NIPSNAP2: variants seen among roughly 807,000 people sequenced by gnomAD.
The protein encoded by NIPSNAP2 is nipsnap homolog 2, also known as protein NipSnap homolog 2.
NIPSNAP2 carries 42 observed loss-of-function variants against 48.4 expected under a neutral mutation model. The observed-to-expected ratio is 0.87, with a 90% CI of 0.68 to 1.12. The LOEUF (loss-of-function observed/expected upper bound fraction) is 1.12, where lower values mean the gene tolerates loss of function less well. NIPSNAP2 is among the 50% of genes most tolerant of loss of function. NIPSNAP2 has a pLI of 0.00. For synonymous variants in NIPSNAP2, 158 were observed against 126.6 expected, an observed-to-expected ratio of 1.25 and a Z score of -1.67; for missense variants, 314 against 347.3, an observed-to-expected ratio of 0.90 and a Z score of 0.76.
rs752071145 is a variant in NIPSNAP2 at position 55,978,405 on chromosome 7, C to G, written c.278+10C>G. 3 of 1,601,228 alleles carry G rather than the reference C, an allele frequency of 1.9e-6. No homozygotes were observed. The African/African-American group carries it at 4.0e-5, about 22-fold the overall frequency. On this transcript the variant is annotated intron_variant, in intron 3 of 9. Coordinates refer to ENST00000322090, the MANE Select transcript of NIPSNAP2 (RefSeq NM_001483.3). The stretch of plus-strand genomic sequence containing the variant: ...CATACAACAAAATTTGGTGTGTATA[C>G]CAAACTATCCTTTACTTGGGGAAAA...
intron 1 of NIPSNAP2, among the ~76,000 whole-genome samples, chr7:55,974,268 G>A (rs201296256): frequency 7.8e-5 from 7 of 89,192 alleles, no homozygotes; most frequent in Admixed American, 5.9e-4. Flanking sequence ...CAAAAAAAAA[G>A]AAAGAAAGAA....
At chr7:55,994,846 A>T (rs1193085122) in intron 7 of NIPSNAP2, 48 bp from the exon 8 acceptor site, 1 of 1,476,882 alleles carries the variant, frequency 6.8e-7, no homozygotes, top group East Asian at 2.3e-5. Flanking sequence ...GATTCTCGTT[A>T]GCGTATCTAA....
intron 3 of NIPSNAP2, chr7:55,980,796 C>T (rs143245345): frequency 2.0e-5 from 3 of 152,288 alleles, no homozygotes; most frequent in Non-Finnish European, 4.4e-5. Context: ...CTACGTGACA[C>T]CCCTCCCATC....
chr7:55,976,135 A>G (rs1432040522), intron 1 of NIPSNAP2, among the ~76,000 whole-genome samples: 1 of 152,152 alleles, frequency 6.6e-6, no homozygotes, highest in Non-Finnish European at 1.5e-5. Context: ...CTCCCACCCC[A>G]GGCCCAGTCA....
intron 7 of NIPSNAP2, chr7:55,991,739 ACT>A (rs1196400103): frequency 4.2e-5 from 7 of 168,072 alleles, no homozygotes; most frequent in Admixed American, 2.3e-4. Flanking sequence ...CAAGAGTGAA[ACT>A]CTGTCTCAAA....
At chr7:55,985,019 T>C (rs1787298124) in intron 7 of NIPSNAP2, 141 bp downstream of exon 7, 1 of 628,152 alleles carries the variant, frequency 1.6e-6, no homozygotes, top group Non-Finnish European at 2.7e-6. Flanking sequence ...GTTTTTATTA[T>C]GAGATTTTTC....
chr7:55,980,813 G>T (rs1787199242), intron 3 of NIPSNAP2: 1 of 152,220 alleles, frequency 6.6e-6, no homozygotes, highest in South Asian at 2.1e-4. Flanking sequence ...CATCCCCTTG[G>T]CCCATTGAAT....
intron 1 of NIPSNAP2, among the ~76,000 whole-genome samples, chr7:55,972,434 C>CTTTTTT (rs562085477): frequency 1.5e-5 from 2 of 136,688 alleles, no homozygotes; most frequent in Non-Finnish European, 1.6e-5. Flanking sequence ...TTTTCTTTTT[C>CTTTTTT]TTTTTTTTTT....
chr7:55,986,243 T>A (rs1473801718), intron 7 of NIPSNAP2, among the ~76,000 whole-genome samples: 1 of 148,252 alleles, frequency 6.7e-6, no homozygotes, highest in Non-Finnish European at 1.5e-5. Context: ...TGGCACACAC[T>A]TGTAGTCCCA....
At position 55,997,416 on chromosome 7, in the gene NIPSNAP2, A is replaced by C. The variant is rs920398401; in HGVS notation, c.763A>C (p.Lys255Gln). The C allele has an allele frequency of 6.2e-7, 1 of 1,613,954 alleles. No homozygotes were observed. Among genetic ancestry groups the C allele is most frequent in the African/African-American group, 1.3e-5 (1 of 75,054 alleles). The change falls in exon 9 of 10, where the codon AAA (lysine) becomes CAA (glutamine). Residue 255 changes from lysine to glutamine, a missense_variant. Physicochemically the swap from Lys to Gln is moderately conservative, Grantham distance 53. Around this residue, in one of 2 missense-constraint regions of NIPSNAP2, gnomAD observed 116 missense variants for 161.8 expected, o/e 0.72. Transcript: ENST00000322090. ...AGACATACGGAATGCAGCATGGCAC[A>C]AACATGGCTGGGAGGAATTGGTATA... ...REDIRNAAWH[K>Q]HGWEELVYYT...
intron 9 of NIPSNAP2, 29 bp from the exon 10 acceptor site, chr7:55,998,979 A>G: frequency 6.3e-6 from 10 of 1,589,904 alleles, no homozygotes; most frequent in Non-Finnish European, 8.6e-6. Flanking sequence ...AGAAAGTAAC[A>G]AGTGCAGTAA....
intron 1 of NIPSNAP2, among the ~76,000 whole-genome samples, chr7:55,973,791 T>C (rs1164927145): frequency 6.6e-6 from 1 of 152,092 alleles, no homozygotes; most frequent in African/African-American, 2.4e-5. Flanking sequence ...GGCCAATATA[T>C]TTGTATTTGT....
intron 1 of NIPSNAP2, among the ~76,000 whole-genome samples, chr7:55,967,126 C>T (rs1489744773): frequency 6.6e-6 from 1 of 152,268 alleles, no homozygotes; most frequent in South Asian, 2.1e-4. Context: ...TTCCCAGCCG[C>T]TTCCTGGACA....
intron 7 of NIPSNAP2, among the ~76,000 whole-genome samples, chr7:55,992,974 A>AT (rs538339479): frequency 0.019 from 2,801 of 150,216 alleles, 26 homozygotes; most frequent in Middle Eastern, 0.038. Flanking sequence ...ATCACTAAAT[A>AT]TTTTTTTTTT....
chr7:55,979,942 A>G (rs1398180455), intron 3 of NIPSNAP2: 7 of 439,384 alleles, frequency 1.6e-5, no homozygotes, highest in Non-Finnish European at 3.2e-5. Flanking sequence ...AGGAGTGGCT[A>G]CAAATCCATG....
intron 8 of NIPSNAP2, among the ~76,000 whole-genome samples, chr7:55,995,642 G>A (rs1787547414): frequency 1.3e-5 from 2 of 152,182 alleles, no homozygotes; most frequent in South Asian, 4.1e-4. Context: ...AGGATTGGAT[G>A]GAGGAAGGTT....
Position 55,984,772 on chromosome 7 carries a change from T to G in NIPSNAP2, c.586-75T>G, listed in dbSNP as rs534531513. On this transcript the variant is annotated intron_variant, in intron 6 of 9. Transcript: ENST00000322090. ...GTTAGTTTTGTCACTTAATGTTTTT[T>G]CTACTGCTGTTTGCTATTTCTGTAT... 109 of 1,239,548 alleles carry G rather than the reference T, an allele frequency of 8.8e-5. 2 individuals are homozygous for G. In the South Asian group the frequency reaches 1.1e-3, roughly 13 times the overall value. The allele number at this position is 1,239,548 out of a possible 1,614,324, so 76.8% of individuals were successfully genotyped here.
intron 4 of NIPSNAP2, 73 bp downstream of exon 4, chr7:55,981,640 T>C (rs1787218737): frequency 3.1e-6 from 3 of 959,314 alleles, no homozygotes; most frequent in Non-Finnish European, 4.9e-6. Context: ...TTTTCTAATT[T>C]AATGCTTGTT....
intron 7 of NIPSNAP2, among the ~76,000 whole-genome samples, chr7:55,989,949 CCA>C (rs1491341609): frequency 8.1e-6 from 1 of 123,726 alleles, no homozygotes; most frequent in African/African-American, 3.1e-5. Context: ...TACTAAAAAT[CCA>C]AAAAAAAAAA....
Sources: gnomAD v4.1 joint callset for allele counts (sites outside exome capture counted in the v4.1 genomes callset) on GRCh38, gnomAD v4.1.1 for gene constraint, gnomAD v4.1.1 regional missense constraint, MANE v1.5 for transcripts, NCBI Gene and HGNC (gene_info 2026-07-23, HGNC 2026-07-21) for gene names.